The following LY96 variants were observed in gnomAD, a reference collection of about 807,000 sequenced individuals.
The protein encoded by LY96 is myeloid differentiation protein-2.
A neutral mutation model predicts 18.9 loss-of-function variants in LY96; 18 were observed. That is an observed-to-expected ratio of 0.95 (90% CI 0.66 to 1.41). The LOEUF is 1.41. Among genes scored for constraint, LY96 ranks in the 40% most tolerant of loss-of-function variants. LY96 has a pLI of 0.00. For synonymous variants in LY96, 66 were observed against 62.6 expected (o/e 1.06, Z -0.26); for missense variants, 175 against 182.4 (o/e 0.96, Z 0.23).
At chr8:74,020,409 GAAAT>G (rs1372055101) in intron 3 of LY96, among the ~76,000 whole-genome samples, 3 of 152,100 alleles carry the variant, frequency 2.0e-5, no homozygotes, top group African/African-American at 7.2e-5. Flanking sequence ...ACTGCCCAAC[GAAAT>G]AAAAGAGGAC....
At chr8:74,064,312 C>T in the LY96 span, among the ~76,000 whole-genome samples, 2 of 151,998 alleles carry the variant, frequency 1.3e-5, no homozygotes, top group African/African-American at 2.4e-5. Context: ...TTGTCCCCTC[C>T]AAATCTCATG....
chr8:74,029,855 T>C (rs973124258), downstream of LY96, among the ~76,000 whole-genome samples: 1 of 152,182 alleles, frequency 6.6e-6, no homozygotes, highest in Non-Finnish European at 1.5e-5. Context: ...AGATGGGGTT[T>C]CACCATATTG....
At chr8:74,004,653 G>A (rs1187356516) in intron 1 of LY96, 143 bp from the exon 2 acceptor site, 11 of 770,568 alleles carry the variant, frequency 1.4e-5, no homozygotes, top group East Asian at 3.0e-5. Context: ...TCATTCTTCT[G>A]GGGAGATATT....
intron 1 of LY96, among the ~76,000 whole-genome samples, chr8:73,991,897 GTTC>G (rs1426060258): frequency 3.9e-5 from 6 of 152,088 alleles, no homozygotes; most frequent in Non-Finnish European, 8.8e-5. Flanking sequence ...ACACTTACTA[GTTC>G]TTCTTCTTGA....
chr8:74,004,979 T>G (rs1445927700), intron 2 of LY96, 94 bp downstream of exon 2: 1 of 1,338,388 alleles, frequency 7.5e-7, no homozygotes, highest in African/African-American at 1.4e-5. Flanking sequence ...GTATTCGTTA[T>G]CTATTGCTAC....
chr8:74,038,437 C>T, the LY96 span, among the ~76,000 whole-genome samples: 1 of 152,226 alleles, frequency 6.6e-6, no homozygotes, highest in East Asian at 1.9e-4. Flanking sequence ...TAAGTGAATA[C>T]ATGTGAAGTT....
At chr8:74,010,237 C>A (rs1228349682) in intron 3 of LY96, 108 bp downstream of exon 3, 7 of 1,067,462 alleles carry the variant, frequency 6.6e-6, no homozygotes, top group Non-Finnish European at 9.7e-6. Context: ...GCTAATAATT[C>A]TTTTTCCATC....
At chr8:74,066,380 A>G in the LY96 span, among the ~76,000 whole-genome samples, 4 of 152,024 alleles carry the variant, frequency 2.6e-5, no homozygotes, top group African/African-American at 9.7e-5. Flanking sequence ...TTGGAGGGAC[A>G]CAAACACTCA....
the LY96 span, among the ~76,000 whole-genome samples, chr8:74,034,988 G>A: frequency 5.7e-3 from 861 of 152,274 alleles, 5 homozygotes; most frequent in Non-Finnish European, 9.6e-3. Flanking sequence ...ATTACTGACA[G>A]GATAAAGATA....
chr8:74,038,782 G>T, the LY96 span, among the ~76,000 whole-genome samples: 1 of 152,094 alleles, frequency 6.6e-6, no homozygotes, highest in Non-Finnish European at 1.5e-5. Flanking sequence ...CATTTTTGTC[G>T]CTTTCAAATC....
chr8:74,039,814 A>G, the LY96 span, among the ~76,000 whole-genome samples: 1 of 152,226 alleles, frequency 6.6e-6, no homozygotes, highest in Non-Finnish European at 1.5e-5. Flanking sequence ...GAGGAACATG[A>G]AAGTGGACAA....
chr8:74,081,015 T>A, the LY96 span, among the ~76,000 whole-genome samples: 1 of 133,248 alleles, frequency 7.5e-6, no homozygotes, highest in Non-Finnish European at 1.5e-5. Flanking sequence ...TCTTTCTTTC[T>A]TTCTTTCTTT....
intron 1 of LY96, among the ~76,000 whole-genome samples, chr8:73,999,507 G>T (rs1465481017): frequency 1.3e-5 from 2 of 151,808 alleles, no homozygotes; most frequent in East Asian, 3.9e-4. Flanking sequence ...CGATTCTGCT[G>T]TCTTGGCCTC....
chr8:73,995,190 G>A (rs895477931), intron 1 of LY96, among the ~76,000 whole-genome samples: 4 of 152,126 alleles, frequency 2.6e-5, no homozygotes, highest in South Asian at 2.1e-4. Flanking sequence ...CAGCAAGAAC[G>A]CCCTTGTCAG....
At chr8:74,009,408 G>C (rs141329231) in intron 2 of LY96, among the ~76,000 whole-genome samples, 1 of 132,108 alleles carries the variant, frequency 7.6e-6, no homozygotes, top group Non-Finnish European at 1.6e-5. Flanking sequence ...AAGAAGAAAA[G>C]AAAAGAAAAG....
the LY96 span, among the ~76,000 whole-genome samples, chr8:74,045,429 G>A: frequency 2.0e-5 from 3 of 152,174 alleles, no homozygotes; most frequent in Admixed American, 6.5e-5. Flanking sequence ...ACATTTTAAG[G>A]TTCTAGGTCT....
intron 3 of LY96, among the ~76,000 whole-genome samples, chr8:74,023,360 T>C (rs1816807943): frequency 6.6e-6 from 1 of 152,174 alleles, no homozygotes; most frequent in South Asian, 2.1e-4. Context: ...GGGCACACCA[T>C]CCCCTGCCCC....
At chr8:74,036,784 G>A in the LY96 span, among the ~76,000 whole-genome samples, 1 of 152,104 alleles carries the variant, frequency 6.6e-6, no homozygotes, top group Admixed American at 6.6e-5. Flanking sequence ...AACCCATCAG[G>A]CAATTGATTA....
downstream of LY96, among the ~76,000 whole-genome samples, chr8:74,033,093 C>T (rs77631726): frequency 9.0e-3 from 1,363 of 152,130 alleles, 73 homozygotes; most frequent in Admixed American, 0.074. Context: ...GACATTACTC[C>T]GGCAGAATCA....
Sources: gnomAD v4.1 joint callset for allele counts (sites outside exome capture counted in the v4.1 genomes callset) on GRCh38, gnomAD v4.1.1 for gene constraint, MANE v1.5 for transcripts, NCBI Gene and HGNC (gene_info 2026-07-23, HGNC 2026-07-21) for gene names.